MAP2K7: variants seen among roughly 807,000 people sequenced by gnomAD.
MAP2K7 encodes the protein mitogen-activated protein kinase kinase 7.
Under a neutral mutation model 47.7 loss-of-function variants are expected in MAP2K7, and 12 were observed. The ratio of observed to expected loss-of-function variants is 0.25; its 90% CI spans 0.16 to 0.41. MAP2K7 has a LOEUF of 0.41. Among genes scored for constraint, MAP2K7 ranks in the 10% least tolerant of loss-of-function variants. The pLI, the probability that MAP2K7 is intolerant of heterozygous loss-of-function variation, is 1.00. For synonymous variants in MAP2K7, 299 were observed against 243.0 expected (o/e 1.23, Z -2.14); for missense variants, 415 against 600.3 (o/e 0.69, Z 3.23).
Position 7,904,052 on chromosome 19 carries a change from C to G in MAP2K7, c.108C>G (p.Pro36=), listed in dbSNP as rs1443231312. 4 of 1,474,394 alleles carry G rather than the reference C, an allele frequency of 2.7e-6. No homozygotes were observed. The highest frequency in any genetic ancestry group is 1.3e-5 in the South Asian group (1 of 78,784). 91.3% of individuals were successfully genotyped at this position (1,474,394 alleles called of 1,614,324 possible). A position where few individuals can be genotyped will look rare whatever the true frequency, so the allele number is the denominator to read the frequency against. The stretch of plus-strand genomic sequence containing the variant: ...TCGACCTCAACCTGGATATCAGCCC[C>G]CAGCGGCCCAGGCCCAGTAAGCACG... ...RRIDLNLDIS[P]QRPRPTLQLP... Residue 36 remains proline, a synonymous_variant, in exon 1 of 11, where the codon CCC becomes CCG. Transcript: ENST00000397979.
In MAP2K7 at chr19:7,903,976, C is replaced by T; in HGVS notation, c.32C>T (p.Ser11Phe). 1 of 1,551,900 alleles carries T rather than the reference C, an allele frequency of 6.4e-7. No individual in the cohort carries two copies. The highest frequency in any genetic ancestry group is 8.7e-7 in the Non-Finnish European group (1 of 1,150,274). MAASSLEQKL[S>F]RLEAKLKQEN... ...GCGTCCTCCCTGGAACAGAAGCTGTCCCGCCTGGAAGCAAAGCTGAAGCAG... is the reference window on the plus strand; with the variant it reads ...GCGTCCTCCCTGGAACAGAAGCTGTTCCGCCTGGAAGCAAAGCTGAAGCAG... Residue 11 changes from serine to phenylalanine, a missense_variant, in exon 1 of 11, where the codon TCC (serine) becomes TTC (phenylalanine). Transcript: ENST00000397979.
intron 1 of MAP2K7, 95 bp from the exon 2 acceptor site, chr19:7,909,660 G>T: frequency 1.5e-6 from 1 of 685,940 alleles, no homozygotes; most frequent in Admixed American, 2.7e-5. Context: ...GGAGGGGAAG[G>T]TGAGGGTCCC....
chr19:7,904,345 C>T, intron 1 of MAP2K7: 1 of 222,710 alleles, frequency 4.5e-6, no homozygotes, highest in Non-Finnish European at 9.3e-6. Context: ...CCGTGATCCT[C>T]TGGGTCGGGC....
At chr19:7,908,075 G>C (rs1982578269) in intron 1 of MAP2K7, among the ~76,000 whole-genome samples, 2 of 151,858 alleles carry the variant, frequency 1.3e-5, no homozygotes. Context: ...TGAGGCAGGA[G>C]AATCACTTGA....
At chr19:7,911,180 G>A (rs760440561) in intron 7 of MAP2K7, 21 bp downstream of exon 7, 19 of 1,607,896 alleles carry the variant, frequency 1.2e-5, no homozygotes, top group African/African-American at 5.3e-5. Flanking sequence ...GCCCCCCAGC[G>A]GGGGAGGGGG....
rs1982257062 is a variant in MAP2K7 at position 7,903,983 on chromosome 19, G to A, written c.39G>A (p.Leu13=). 1 of 1,551,742 alleles carries A rather than the reference G, an allele frequency of 6.4e-7. No individual in the cohort carries two copies. Among genetic ancestry groups the A allele is most frequent in the Non-Finnish European group, 8.7e-7 (1 of 1,149,462 alleles). Residue 13 remains leucine, a synonymous_variant, in exon 1 of 11, where the codon CTG becomes CTA. Coordinates refer to ENST00000397979, the MANE Select transcript of MAP2K7 (RefSeq NM_145185.4). ...ASSLEQKLSR[L]EAKLKQENRE... ...CCCTGGAACAGAAGCTGTCCCGCCT[G>A]GAAGCAAAGCTGAAGCAGGAGAACC... is the stretch of plus-strand genomic sequence containing the variant.
At chr19:7,910,674 C>T (rs1417285551) in intron 5 of MAP2K7, 22 bp from the exon 6 acceptor site, 2 of 1,606,552 alleles carry the variant, frequency 1.2e-6, no homozygotes, top group South Asian at 1.1e-5. Context: ...CACAGCTCCC[C>T]CGGGTGCCCC....
Position 7,912,193 on chromosome 19 carries a change from T to C in MAP2K7, c.1124T>C (p.Leu375Pro). ...AAGAGACCAAAGTATAATAAGCTACTTGTGAGTACCTGAGCCCTCCCAGTC... is the reference window on the plus strand; with the variant it reads ...AAGAGACCAAAGTATAATAAGCTACCTGTGAGTACCTGAGCCCTCCCAGTC... The part of the protein sequence containing the change: ...HRKRPKYNKL[L>P]EHSFIKRYET... The change falls in exon 10 of 11, where the codon CTT (leucine) becomes CCT (proline). Residue 375 changes from leucine (L) to proline (P), a missense_variant and splice_region_variant. Physicochemically the swap from Leu to Pro is moderately conservative, Grantham distance 98 (BLOSUM62 -3). Transcript: ENST00000397979. 1 of 1,614,010 alleles carries C rather than the reference T, an allele frequency of 6.2e-7. No homozygotes were observed. Among genetic ancestry groups the C allele is most frequent in the East Asian group, 2.2e-5 (1 of 44,876 alleles).
At chr19:7,910,399 G>A in intron 4 of MAP2K7, 26 bp downstream of exon 4, 5 of 1,606,180 alleles carry the variant, frequency 3.1e-6, no homozygotes, top group African/African-American at 1.3e-5. Flanking sequence ...TACCCCGGCT[G>A]CGCCCCACAC....
In MAP2K7 at chr19:7,910,265, C is replaced by T. The variant is rs1982736858; in HGVS notation, c.339C>T (p.Tyr113=). 1 of 1,612,954 alleles carries T rather than the reference C, an allele frequency of 6.2e-7. No individual in the cohort carries two copies. The highest frequency in any genetic ancestry group is 1.1e-5 in the South Asian group (1 of 91,066). ...AACCCTCCCTCTCCTCCCAGCGCTA[C>T]CAGGCAGAAATCAACGACCTGGAGA... The part of the protein sequence containing the change: ...TGYLTIGGQR[Y]QAEINDLENL... The change falls in exon 4 of 11, where the codon TAC becomes TAT. Residue 113 remains tyrosine, a synonymous_variant. Coordinates refer to ENST00000397979, the MANE Select transcript of MAP2K7 (RefSeq NM_145185.4).
At position 7,913,590 on chromosome 19, in the gene MAP2K7, C is replaced by T. The variant is rs1282074596; in HGVS notation, c.*1159C>T. 2 of 151,984 alleles carry T rather than the reference C, an allele frequency of 1.3e-5. No individual in the cohort carries two copies. The highest frequency in any genetic ancestry group is 2.4e-5 in the African/African-American group (1 of 41,346). The allele number at this position is 151,984 out of a possible 1,614,324, so 9.4% of individuals were successfully genotyped here. ...CTGGCCGTCCCTCCACTCACCCACACCTGGCCCAGTCCACGTTGAGGTCCA... is the reference window on the plus strand; with the variant it reads ...CTGGCCGTCCCTCCACTCACCCACATCTGGCCCAGTCCACGTTGAGGTCCA... On this transcript the variant is annotated 3_prime_UTR_variant, in exon 11 of 11. Transcript: ENST00000397979.
At position 7,909,899 on chromosome 19, in the gene MAP2K7, G is replaced by A. The variant is rs1052848127; in HGVS notation, c.266+3G>A. On this transcript the variant is annotated splice_donor_region_variant and intron_variant, in intron 2 of 10. Coordinates refer to ENST00000397979, the MANE Select transcript of MAP2K7 (RefSeq NM_145185.4). ...TTCACACCCCGCAGCATGGAGAGGT[G>A]AGCCAGGGGCCCAGCAGGGTTGGGT... The A allele has an allele frequency of 6.6e-6, 10 of 1,514,482 alleles. No homozygotes were observed. The highest frequency in any genetic ancestry group is 1.3e-5 in the South Asian group (1 of 79,550). The allele number at this position is 1,514,482 out of a possible 1,614,324, so 93.8% of individuals were successfully genotyped here.
chr19:7,907,977 C>G (rs1312393703), intron 1 of MAP2K7, among the ~76,000 whole-genome samples: 2 of 152,076 alleles, frequency 1.3e-5, no homozygotes, highest in Non-Finnish European at 2.9e-5. Context: ...GAAGCCTGGC[C>G]AACATAGCGA....
chr19:7,912,514 C>T lies in MAP2K7; in HGVS notation c.*83C>T. 1 of 1,477,646 alleles carries T rather than the reference C, an allele frequency of 6.8e-7. No homozygotes were observed. The highest frequency in any genetic ancestry group is 9.0e-7 in the Non-Finnish European group (1 of 1,112,410). The allele number at this position is 1,477,646 out of a possible 1,614,324, so 91.5% of individuals were successfully genotyped here. A position where few individuals can be genotyped will look rare whatever the true frequency, so the allele number is the denominator to read the frequency against. On this transcript the variant is annotated 3_prime_UTR_variant, in exon 11 of 11. Coordinates refer to ENST00000397979, the MANE Select transcript of MAP2K7 (RefSeq NM_145185.4). ...CCCACTTGGCCACCCAGCTGCCTGC[C>T]AGGGGAGACCTGGGACCTGGACGGC...
chr19:7,909,277 G>C (rs927263135), intron 1 of MAP2K7, among the ~76,000 whole-genome samples: 2 of 152,230 alleles, frequency 1.3e-5, no homozygotes, highest in African/African-American at 4.8e-5. Flanking sequence ...GCGTGGCCCT[G>C]CTCGCTCTTG....
rs770062647 is a variant in MAP2K7, at chr19:7,910,737, T to C, written c.609T>C (p.Ala203=). 6.2e-7 allele frequency: 1 copy of C among 1,611,998 alleles called. No homozygotes were observed. ...FIAMELMGTC[A]EKLKKRMQGP... The stretch of plus-strand genomic sequence containing the variant: ...CCATGGAGCTCATGGGCACCTGCGC[T>C]GAGAAGCTCAAGAAGCGGATGCAGG... Residue 203 remains alanine, a synonymous_variant, in exon 6 of 11, where the codon GCT becomes GCC. Transcript: ENST00000397979.
In MAP2K7 at chr19:7,910,901, G is replaced by T. The variant is rs1392021646; in HGVS notation, c.676-79G>T. On this transcript the variant is annotated intron_variant, in intron 6 of 10. Transcript: ENST00000397979. ...GGCAAGATGACAGTGGCGGTGAGTG[G>T]CCAGGTGGGGCGTGCACCGGGCAGG... 3.8e-6 allele frequency: 6 copies of T among 1,576,856 alleles called. No individual in the cohort carries two copies. The African/African-American group carries it at 5.4e-5, about 14-fold the overall frequency.
In MAP2K7 at chr19:7,912,637, C is replaced by A. The variant is rs868401298; in HGVS notation, c.*206C>A. The A allele has an allele frequency of 3.3e-5, 20 of 610,946 alleles. No individual in the cohort carries two copies. In the Middle Eastern group the frequency reaches 2.6e-3, roughly 81 times the overall value. The allele number at this position is 610,946 out of a possible 1,614,324, so 37.8% of individuals were successfully genotyped here. On this transcript the variant is annotated 3_prime_UTR_variant, in exon 11 of 11. Transcript: ENST00000397979. ...CCTTCCCACCCCGGGGTCAGCCGGC[C>A]GTGTGCGTCCCCCGACAGACACTGT...
At chr19:7,911,612 C>T (rs2145144408) in intron 9 of MAP2K7, 34 bp downstream of exon 9, 1 of 1,549,670 alleles carries the variant, frequency 6.5e-7, no homozygotes, top group Non-Finnish European at 8.7e-7. Context: ...AGGTCAGGGA[C>T]AGCCCGCTGC....
Sources: gnomAD v4.1 joint callset for allele counts (sites outside exome capture counted in the v4.1 genomes callset) on GRCh38, gnomAD v4.1.1 for gene constraint, MANE v1.5 for transcripts, NCBI Gene and HGNC (gene_info 2026-07-23, HGNC 2026-07-21) for gene names.